The following RCC1 variants were observed in gnomAD, a reference collection of about 807,000 sequenced individuals.
RCC1 encodes regulator of chromosome condensation 1.
In RCC1, 11 loss-of-function variants were observed where a neutral mutation model predicts 44.4. That is an observed-to-expected ratio of 0.25 (90% CI 0.16 to 0.41). The LOEUF (loss-of-function observed/expected upper bound fraction) is 0.41, where lower values mean the gene tolerates loss of function less well. Among genes scored for constraint, RCC1 ranks in the 10% least tolerant of loss-of-function variants. RCC1 has a pLI of 1.00. For synonymous variants in RCC1, 213 were observed against 216.5 expected, an observed-to-expected ratio of 0.98 and a Z score of 0.14; for missense variants, 386 against 547.1, an observed-to-expected ratio of 0.71 and a Z score of 2.94.
intron 1 of RCC1, chr1:28,507,499 GCCTGCATATT>G: frequency 1.9e-6 from 1 of 518,934 alleles, no homozygotes; most frequent in Non-Finnish European, 3.8e-6. Context: ...TCGTGTCTGC[GCCTGCATATT>G]CCTACAGCTT....
chr1:28,522,574 G>A (rs755346671), intron 4 of RCC1, among the ~76,000 whole-genome samples: 3 of 151,950 alleles, frequency 2.0e-5, no homozygotes, highest in Non-Finnish European at 4.4e-5. Context: ...TTGGGAGGTC[G>A]AGGTGGGAGG....
intron 3 of RCC1, among the ~76,000 whole-genome samples, chr1:28,513,161 G>A (rs543544295): frequency 4.0e-5 from 6 of 151,744 alleles, no homozygotes; most frequent in Admixed American, 2.0e-4. Context: ...TTCTGCCTCC[G>A]GAGTAGCTGG....
chr1:28,519,693 C>T (rs749552616), intron 4 of RCC1, among the ~76,000 whole-genome samples: 1 of 151,362 alleles, frequency 6.6e-6, no homozygotes, highest in African/African-American at 2.4e-5. Flanking sequence ...GCCTGCTGAG[C>T]AGCTGAGACT....
At chr1:28,515,666 G>A (rs1254854069) in intron 3 of RCC1, among the ~76,000 whole-genome samples, 2 of 151,934 alleles carry the variant, frequency 1.3e-5, no homozygotes, top group Admixed American at 6.6e-5. Context: ...GCAGTGAGCC[G>A]AGATTGCACC....
At chr1:28,515,568 T>C (rs1034150466) in intron 3 of RCC1, among the ~76,000 whole-genome samples, 3 of 148,568 alleles carry the variant, frequency 2.0e-5, no homozygotes, top group African/African-American at 7.5e-5. Context: ...AATACAAAAA[T>C]GAGCCGGGCA....
chr1:28,535,239 C>T lies in RCC1; in HGVS notation c.539-19C>T. On this transcript the variant is annotated intron_variant, in intron 8 of 12. Coordinates refer to ENST00000683442, the MANE Select transcript of RCC1 (RefSeq NM_001381865.2). ...GGCCTTACAGTTGTGGCCTGCATCC[C>T]TTACCTTTTCATCCTTAGGAAACGA... 1 of 1,614,178 alleles carries T rather than the reference C, an allele frequency of 6.2e-7. No homozygotes were observed. Among genetic ancestry groups the T allele is most frequent in the Non-Finnish European group, 8.5e-7 (1 of 1,180,012 alleles).
At chr1:28,533,198 G>T (rs563988024) in intron 7 of RCC1, among the ~76,000 whole-genome samples, 1 of 152,110 alleles carries the variant, frequency 6.6e-6, no homozygotes, top group Admixed American at 6.6e-5. Context: ...TGGGCTGGGC[G>T]CGGTGGCTCA....
At chr1:28,526,828 G>C (rs2853721) in intron 4 of RCC1, 192,732 of 592,194 alleles carry the variant, frequency 0.33, 35,502 homozygotes, top group African/African-American at 0.61. Flanking sequence ...ACCCAGGAGG[G>C]GGAGGTTGCA....
At position 28,527,226 on chromosome 1, in the gene RCC1, G is replaced by T. The variant is rs867271891; in HGVS notation, c.-9-2632G>T. On this transcript the variant is annotated intron_variant, in intron 4 of 12. Transcript: ENST00000683442. Reference sequence around the variant, plus strand: ...AGAGTAACCTTCCCACAGCAGCCGCGATCTTCAGTGCATGTGTGTTTTTGT... The same window carrying T: ...AGAGTAACCTTCCCACAGCAGCCGCTATCTTCAGTGCATGTGTGTTTTTGT... 4 of 784,964 alleles carry T rather than the reference G, an allele frequency of 5.1e-6. No homozygotes were observed. The African/African-American group carries it at 5.1e-5, about 10-fold the overall frequency. The allele number at this position is 784,964 out of a possible 1,614,324, so 48.6% of individuals were successfully genotyped here.
At chr1:28,530,170 A>C (rs1447214692) in intron 5 of RCC1, among the ~76,000 whole-genome samples, 4 of 152,166 alleles carry the variant, frequency 2.6e-5, no homozygotes, top group South Asian at 2.1e-4. Context: ...AAAAAAAAAA[A>C]AAAAAACTAG....
chr1:28,506,523 G>A, intron 1 of RCC1: 2 of 251,800 alleles, frequency 7.9e-6, no homozygotes, highest in South Asian at 7.3e-5. Flanking sequence ...GGGTGTCTTA[G>A]GCGGCATCGG....
intron 4 of RCC1, among the ~76,000 whole-genome samples, chr1:28,528,009 C>CAAA (rs56261878): frequency 3.1e-5 from 3 of 97,616 alleles, no homozygotes; most frequent in South Asian, 3.5e-4. Flanking sequence ...AACTCTGCTT[C>CAAA]AAAAAAAAAA....
chr1:28,507,989 C>T (rs190025895), intron 1 of RCC1, 139 bp from the exon 2 acceptor site: 93 of 291,212 alleles, frequency 3.2e-4, no homozygotes, highest in African/African-American at 1.6e-3. Flanking sequence ...GAAGGAGAAT[C>T]GCTGGAGCCC....
rs564383771 is a variant in RCC1 at position 28,521,200 on chromosome 1, C to T, written c.-10+4333C>T. 3.3e-5 allele frequency among the ~76,000 whole-genome samples: 5 copies of T among 152,038 alleles called. No individual in the cohort carries two copies. The East Asian group carries it at 9.7e-4, about 30-fold the overall frequency. ...GCAGGTACCGGGAACAGGGCTCCAC[C>T]TTTTAGAAGGTGGTCCTCTGGCCGG... is the stretch of plus-strand genomic sequence containing the variant. On this transcript the variant is annotated intron_variant, in intron 4 of 12. Coordinates refer to ENST00000683442, the MANE Select transcript of RCC1 (RefSeq NM_001381865.2).
At chr1:28,518,360 A>T (rs570528950) in intron 4 of RCC1, 1 of 151,998 alleles carries the variant, frequency 6.6e-6, no homozygotes, top group South Asian at 2.1e-4. Context: ...CGGTAAGCGG[A>T]GCGGCCACAG....
intron 4 of RCC1, among the ~76,000 whole-genome samples, chr1:28,524,185 G>A (rs1663491910): frequency 6.6e-6 from 1 of 152,200 alleles, no homozygotes. Context: ...TTTCTGGGAT[G>A]GCTCCCAAGC....
At chr1:28,532,765 G>A (rs1664258643) in intron 7 of RCC1, 1 of 460,720 alleles carries the variant, frequency 2.2e-6, no homozygotes, top group Non-Finnish European at 4.3e-6. Context: ...AAGGTACAGA[G>A]GAGTGTAGTT....
intron 7 of RCC1, among the ~76,000 whole-genome samples, chr1:28,533,897 A>ATTTT (rs1664372422): frequency 5.7e-5 from 1 of 17,418 alleles, no homozygotes; most frequent in African/African-American, 1.7e-4. Context: ...TTTTTTTTTG[A>ATTTT]GACAGAGTCT....
chr1:28,535,652 A>T, intron 9 of RCC1: 1 of 757,128 alleles, frequency 1.3e-6, no homozygotes, highest in Non-Finnish European at 2.3e-6. Context: ...AATATCAGGC[A>T]GATGGTAAGT....
Sources: allele counts gnomAD v4.1 joint callset (sites outside exome capture counted in the v4.1 genomes callset), GRCh38; gene constraint gnomAD v4.1.1; transcripts MANE v1.5; gene names NCBI Gene and HGNC (gene_info 2026-07-23, HGNC 2026-07-21).